The following AXDND1 variants were observed in gnomAD, a reference collection of about 807,000 sequenced individuals.
AXDND1 encodes the protein axonemal dynein light chain domain containing 1.
AXDND1 carries 110 observed loss-of-function variants against 137.5 expected under a neutral mutation model. The observed-to-expected ratio is 0.80, with a 90% CI of 0.69 to 0.94. The LOEUF (loss-of-function observed/expected upper bound fraction) is 0.94, where lower values mean the gene tolerates loss of function less well. Among genes scored for constraint, AXDND1 ranks in the 40% least tolerant of loss-of-function variants. The pLI, the probability that AXDND1 is intolerant of heterozygous loss-of-function variation, is 0.00. For missense variants in AXDND1, 1,191 were observed against 1,169.8 expected (o/e 1.02, Z -0.26); for synonymous variants, 414 against 399.7 (o/e 1.04, Z -0.43).
intron 18 of AXDND1, among the ~76,000 whole-genome samples, chr1:179,489,032 A>T (rs1366610594): frequency 6.8e-6 from 1 of 147,578 alleles, no homozygotes; most frequent in African/African-American, 2.6e-5. Flanking sequence ...CACACCTGGC[A>T]CATTTATTTC....
chr1:179,395,057 A>T (rs775757699), intron 10 of AXDND1, 41 bp from the exon 11 acceptor site: 1 of 1,549,506 alleles, frequency 6.5e-7, no homozygotes, highest in Admixed American at 2.0e-5. Context: ...CTTTTTGGAA[A>T]TCTCCAAATA....
chr1:179,514,194 A>G (rs900333724), intron 21 of AXDND1, among the ~76,000 whole-genome samples: 1 of 151,940 alleles, frequency 6.6e-6, no homozygotes, highest in East Asian at 1.9e-4. Context: ...CGTCTTTTTG[A>G]TATAGGCATT....
intron 13 of AXDND1, among the ~76,000 whole-genome samples, chr1:179,430,228 A>G (rs1657166587): frequency 6.6e-6 from 1 of 151,984 alleles, no homozygotes; most frequent in African/African-American, 2.4e-5. Context: ...CATTGGGTTC[A>G]TGTTGCAAAG....
chr1:179,429,950 G>A (rs534389877), intron 13 of AXDND1, among the ~76,000 whole-genome samples: 38 of 148,036 alleles, frequency 2.6e-4, no homozygotes, highest in African/African-American at 9.3e-4. Context: ...AATTCAGTGA[G>A]CACACTAGAT....
intron 11 of AXDND1, among the ~76,000 whole-genome samples, chr1:179,397,626 A>C (rs1255255446): frequency 2.0e-5 from 3 of 152,204 alleles, no homozygotes; most frequent in African/African-American, 7.2e-5. Context: ...GACATCAATG[A>C]GTCATAGATT....
chr1:179,486,130 A>AC (rs200924608), intron 18 of AXDND1, among the ~76,000 whole-genome samples: 8 of 108,768 alleles, frequency 7.4e-5, no homozygotes, highest in African/African-American at 1.6e-4. Flanking sequence ...AAAAAAAAAA[A>AC]AAAAAAAAAA....
intron 6 of AXDND1, among the ~76,000 whole-genome samples, chr1:179,381,571 G>A (rs975431211): frequency 1.6e-4 from 24 of 145,508 alleles, no homozygotes; most frequent in Admixed American, 4.1e-4. Context: ...CTCGAACTCC[G>A]GACCTCAGGT....
chr1:179,547,068 A>C (rs1160601558), intron 25 of AXDND1, among the ~76,000 whole-genome samples: 1 of 152,228 alleles, frequency 6.6e-6, no homozygotes, highest in Non-Finnish European at 1.5e-5. Flanking sequence ...TTCTGCTTGC[A>C]GGCCCCAAAG....
Position 179,528,317 on chromosome 1 carries a change from T to C in AXDND1, c.2611-10T>C, listed in dbSNP as rs370900723. ...GCTTGCTAACAGGTCCGCATGTTTC[T>C]GTGTTCTAGCAACCTTCAACATCTA... On this transcript the variant is annotated splice_polypyrimidine_tract_variant and intron_variant, in intron 22 of 25. Transcript: ENST00000367618. 4 of 1,603,758 alleles carry C rather than the reference T, an allele frequency of 2.5e-6. No homozygotes were observed. In the African/African-American group the frequency reaches 5.4e-5, roughly 21 times the overall value.
chr1:179,431,098 T>G (rs1204244935), intron 14 of AXDND1, among the ~76,000 whole-genome samples: 1 of 152,164 alleles, frequency 6.6e-6, no homozygotes, highest in Non-Finnish European at 1.5e-5. Flanking sequence ...TTAGTGGGAA[T>G]CTATGCTTTG....
At chr1:179,487,667 A>G (rs1666230301) in intron 18 of AXDND1, among the ~76,000 whole-genome samples, 1 of 148,294 alleles carries the variant, frequency 6.7e-6, no homozygotes, top group Non-Finnish European at 1.5e-5. Context: ...AAATTGAAGA[A>G]ATACATCATT....
intron 16 of AXDND1, among the ~76,000 whole-genome samples, chr1:179,465,945 T>C (rs965422022): frequency 6.6e-6 from 1 of 152,188 alleles, no homozygotes; most frequent in African/African-American, 2.4e-5. Context: ...AATCTCCTGG[T>C]GTGCCGTTTG....
At chr1:179,548,511 T>A (rs552455629) in intron 25 of AXDND1, among the ~76,000 whole-genome samples, 1 of 152,274 alleles carries the variant, frequency 6.6e-6, no homozygotes, top group East Asian at 1.9e-4. Flanking sequence ...CCGTTGGAAG[T>A]GTGTTGATGA....
intron 16 of AXDND1, among the ~76,000 whole-genome samples, chr1:179,467,417 TAAA>T (rs1304343449): frequency 6.6e-6 from 1 of 152,048 alleles, no homozygotes; most frequent in Non-Finnish European, 1.5e-5. Flanking sequence ...TAAAAAAAAT[TAAA>T]AAGTACAAAT....
At chr1:179,508,718 T>A (rs1181843189) in intron 20 of AXDND1, among the ~76,000 whole-genome samples, 1 of 152,056 alleles carries the variant, frequency 6.6e-6, no homozygotes, top group Non-Finnish European at 1.5e-5. Flanking sequence ...GAGGGATTTT[T>A]TTTTTTAGTG....
chr1:179,487,408 G>A (rs1666201384), intron 18 of AXDND1, among the ~76,000 whole-genome samples: 3 of 148,014 alleles, frequency 2.0e-5, no homozygotes, highest in Admixed American at 2.0e-4. Flanking sequence ...TGACATGTTT[G>A]GTACATTATA....
At chr1:179,425,794 ATGTG>A (rs10610386) in intron 12 of AXDND1, among the ~76,000 whole-genome samples, 7 of 124,488 alleles carry the variant, frequency 5.6e-5, no homozygotes, top group East Asian at 2.0e-4. Context: ...TGTCTCACAT[ATGTG>A]TGTGTGTGTG....
At chr1:179,449,584 C>G (rs1660244064) in intron 16 of AXDND1, 1 of 152,406 alleles carries the variant, frequency 6.6e-6, no homozygotes, top group East Asian at 1.9e-4. Flanking sequence ...TATGTTGCAT[C>G]TGTAGATTTG....
At chr1:179,373,037 C>T (rs1364522419) in intron 4 of AXDND1, among the ~76,000 whole-genome samples, 2 of 152,094 alleles carry the variant, frequency 1.3e-5, no homozygotes, top group African/African-American at 4.8e-5. Flanking sequence ...AAACAGGCTT[C>T]TTCTAAAAAT....
Sources: allele counts gnomAD v4.1 joint callset (sites outside exome capture counted in the v4.1 genomes callset), GRCh38; gene constraint gnomAD v4.1.1; transcripts MANE v1.5; gene names NCBI Gene and HGNC (gene_info 2026-07-23, HGNC 2026-07-21).